Variants in CACNA1C observed in about 807,000 individuals in gnomAD.
CACNA1C encodes the protein voltage-dependent L-type calcium channel subunit alpha-1C.
Under a neutral mutation model 229.0 loss-of-function variants are expected in CACNA1C, and 30 were observed. The ratio of observed to expected loss-of-function variants is 0.13; its 90% CI spans 0.10 to 0.18. The LOEUF is 0.18. Ranked by LOEUF, CACNA1C falls within the 10% of genes least tolerant of loss-of-function variation. CACNA1C has a pLI of 1.00. For missense variants in CACNA1C, 1,658 were observed against 2,845.0 expected (o/e 0.58, Z 9.49); for synonymous variants, 1,114 against 1,132.5 (o/e 0.98, Z 0.33).
Position 2,689,265 on chromosome 12 carries a change from C to G in CACNA1C, c.6117+486C>G, listed in dbSNP as rs1452798291. ...TCAGTCCCACTGTGCTCTGCCTGGT[C>G]AGAGCATCTAGTGCAATCCCGGCAC... On this transcript the variant is annotated intron_variant, in intron 46 of 46. Transcript: ENST00000399655. The surrounding 1 kb of genome is among the most constrained non-coding windows in gnomAD (Gnocchi z 4.2). 2.0e-5 allele frequency among the ~76,000 whole-genome samples: 3 copies of G among 152,122 alleles called. No individual in the cohort carries two copies. Among genetic ancestry groups the G allele is most frequent in the Non-Finnish European group, 4.4e-5 (3 of 68,014 alleles).
At chr12:2,202,670 A>C (rs1860056) in intron 3 of CACNA1C, among the ~76,000 whole-genome samples, 1 of 151,972 alleles carries the variant, frequency 6.6e-6, no homozygotes, top group African/African-American at 2.4e-5. Flanking sequence ...ACAGCCACAG[A>C]GGAGAAGAGG....
chr12:2,021,864 A>C (rs1273316989), intron 1 of CACNA1C, among the ~76,000 whole-genome samples: 1 of 152,010 alleles, frequency 6.6e-6, no homozygotes, highest in African/African-American at 2.4e-5. Context: ...CAAGCTAAAC[A>C]CCTCTAAAAG....
rs2370597 is a variant in CACNA1C, at chr12:2,557,293, G to A, written c.1508+316G>A. 0.89 allele frequency among the ~76,000 whole-genome samples: 134,827 copies of A among 152,070 alleles called. 60,310 individuals carry two copies. Among genetic ancestry groups the A allele is most frequent in the Non-Finnish European group, 0.95 (64,757 of 67,984 alleles). The stretch of plus-strand genomic sequence containing the variant: ...TCCAGTTAAAAGAAACATAAAGTGA[G>A]CCCTTGTGACTGTCATGACCTACTT... On this transcript the variant is annotated intron_variant, in intron 11 of 46. Transcript: ENST00000399655.
intron 29 of CACNA1C, among the ~76,000 whole-genome samples, chr12:2,625,798 C>A (rs998183903): frequency 2.7e-5 from 4 of 150,672 alleles, no homozygotes; most frequent in Admixed American, 2.6e-4. Flanking sequence ...AAAAAAAATT[C>A]TATTTTTAAA....
intron 18 of CACNA1C, among the ~76,000 whole-genome samples, chr12:2,591,650 G>C (rs1336175957): frequency 6.6e-6 from 1 of 152,062 alleles, no homozygotes; most frequent in Admixed American, 6.5e-5. Flanking sequence ...CAGAGAGAGA[G>C]AGAGCATGAG....
chr12:2,293,526 C>T (rs1409195879), intron 3 of CACNA1C, among the ~76,000 whole-genome samples: 1 of 152,218 alleles, frequency 6.6e-6, no homozygotes, highest in Non-Finnish European at 1.5e-5. Context: ...TGGCCCAACA[C>T]AAATGCATAA....
intron 3 of CACNA1C, among the ~76,000 whole-genome samples, chr12:2,194,177 TCTC>T (rs372860161): frequency 1.1e-4 from 16 of 144,850 alleles, no homozygotes; most frequent in African/African-American, 4.1e-4. Context: ...CTCCTGTTCC[TCTC>T]CTCTTCTTCC....
chr12:2,184,083 TC>T (rs984934839), intron 3 of CACNA1C, among the ~76,000 whole-genome samples: 1 of 152,026 alleles, frequency 6.6e-6, no homozygotes, highest in Non-Finnish European at 1.5e-5. Context: ...CTCCATCCCA[TC>T]CCCCACTGCC....
At chr12:2,126,974 C>T (rs965625879) in intron 3 of CACNA1C, among the ~76,000 whole-genome samples, 5 of 152,196 alleles carry the variant, frequency 3.3e-5, no homozygotes, top group East Asian at 1.9e-4. Context: ...GAGACCAAAA[C>T]GCTGTGCTTT....
At chr12:2,206,532 A>G (rs957646612) in intron 3 of CACNA1C, among the ~76,000 whole-genome samples, 4 of 152,236 alleles carry the variant, frequency 2.6e-5, no homozygotes, top group Non-Finnish European at 4.4e-5. Flanking sequence ...AAATGGGGCT[A>G]GTAACACTGC....
At chr12:2,655,722 T>C (rs961645832) in intron 34 of CACNA1C, among the ~76,000 whole-genome samples, 4 of 152,118 alleles carry the variant, frequency 2.6e-5, no homozygotes, top group Non-Finnish European at 4.4e-5. Flanking sequence ...GCAAACTGAA[T>C]CCAATAGTAC....
chr12:2,418,207 G>A (rs953702414), intron 3 of CACNA1C, among the ~76,000 whole-genome samples: 3 of 152,132 alleles, frequency 2.0e-5, no homozygotes, highest in African/African-American at 7.2e-5. Context: ...GCTGCGGGTG[G>A]CCTTTGATTT....
chr12:2,005,785 A>G (rs2043304199), intron 1 of CACNA1C, among the ~76,000 whole-genome samples: 1 of 152,274 alleles, frequency 6.6e-6, no homozygotes, highest in South Asian at 2.1e-4. Flanking sequence ...CCATTCAAGG[A>G]CAAGGTGGAC....
rs779557544 is a variant in CACNA1C at position 2,054,847 on chromosome 12, A to G, written c.49+1236A>G. ...TCTGTTCCTTCCCTGGGTTCTTCCC[A>G]GTGATCCTCTGAAGACCAGCCTGGT... On this transcript the variant is annotated intron_variant, in intron 1 of 46. Transcript: ENST00000399655. This position sits in a 1 kb window ranked among gnomAD's most constrained non-coding sequence, Gnocchi z 5.5. 5.9e-5 allele frequency among the ~76,000 whole-genome samples: 9 copies of G among 152,148 alleles called. No homozygotes were observed. Among genetic ancestry groups the G allele is most frequent in the Non-Finnish European group, 1.3e-4 (9 of 68,022 alleles).
intron 1 of CACNA1C, among the ~76,000 whole-genome samples, chr12:2,037,582 T>C (rs1308062208): frequency 1.3e-5 from 2 of 152,216 alleles, no homozygotes; most frequent in African/African-American, 4.8e-5. Flanking sequence ...AAGGGACGTG[T>C]TCCCCACTTT....
intron 1 of CACNA1C, among the ~76,000 whole-genome samples, chr12:2,101,022 AAAG>A (rs946464728): frequency 1.9e-4 from 29 of 152,132 alleles, no homozygotes; most frequent in African/African-American, 5.5e-4. Context: ...AAAAAAGAAA[AAAG>A]AAAAAAAATT....
At chr12:2,375,335 T>C (rs2098017360) in intron 3 of CACNA1C, among the ~76,000 whole-genome samples, 1 of 152,156 alleles carries the variant, frequency 6.6e-6, no homozygotes, top group Admixed American at 6.5e-5. Context: ...CTGATGAGAA[T>C]GATGCCCAGT....
chr12:1,982,873 T>C (rs938342578), intron 1 of CACNA1C, among the ~76,000 whole-genome samples: 14 of 152,134 alleles, frequency 9.2e-5, no homozygotes, highest in African/African-American at 3.4e-4. Flanking sequence ...ATTCCTCCCT[T>C]GAACATTTGG....
In CACNA1C at chr12:2,120,430, G is replaced by T. The variant is rs1243683248; in HGVS notation, c.477G>T (p.Leu159=). 6.5e-7 allele frequency: 1 copy of T among 1,545,810 alleles called. No individual in the cohort carries two copies. The highest frequency in any genetic ancestry group is 1.1e-5 in the South Asian group (1 of 89,684). Reference sequence around the variant, plus strand: ...ATTCCAACGCCACCAATTCCAACCTGGTAAGTCCACCATCCTCAAGTCTCT... The same window carrying T: ...ATTCCAACGCCACCAATTCCAACCTTGTAAGTCCACCATCCTCAAGTCTCT... ...EDDSNATNSN[L]ERVEYLFLII... The change falls in exon 3 of 47, where the codon CTG becomes CTT. Residue 159 remains leucine, a splice_region_variant and synonymous_variant. Coordinates refer to ENST00000399655, the MANE Select transcript of CACNA1C (RefSeq NM_000719.7).
Sources: gnomAD v4.1 joint callset for allele counts (sites outside exome capture counted in the v4.1 genomes callset) on GRCh38, gnomAD v4.1.1 for gene constraint, Gnocchi (gnomAD v3.1) non-coding constraint, MANE v1.5 for transcripts, NCBI Gene and HGNC (gene_info 2026-07-23, HGNC 2026-07-21) for gene names.